Variants in NCALD observed in about 807,000 individuals in gnomAD.
NCALD encodes neurocalcin-delta.
In NCALD, 10 loss-of-function variants were observed where a neutral mutation model predicts 18.6. The ratio of observed to expected loss-of-function variants is 0.54; its 90% CI spans 0.33 to 0.91. The LOEUF (loss-of-function observed/expected upper bound fraction) is 0.91. NCALD is among the 40% of genes least tolerant of loss of function. NCALD has a pLI of 0.03. For missense variants in NCALD, 184 were observed against 247.6 expected (o/e 0.74, Z 1.72); for synonymous variants, 88 against 87.4 (o/e 1.01, Z -0.04).
chr8:101,751,388 T>C (rs887680923), intron 1 of NCALD, among the ~76,000 whole-genome samples: 17 of 152,270 alleles, frequency 1.1e-4, no homozygotes, highest in Admixed American at 6.5e-4. Flanking sequence ...CACAGGTACA[T>C]AGTTTCTCTA....
At chr8:102,091,802 C>T (rs1824933229) in intron 1 of NCALD, among the ~76,000 whole-genome samples, 1 of 152,212 alleles carries the variant, frequency 6.6e-6, no homozygotes, top group African/African-American at 2.4e-5. Flanking sequence ...GACTGAGCTT[C>T]TCTCTACCCC....
intron 1 of NCALD, among the ~76,000 whole-genome samples, chr8:101,738,324 A>C (rs1158354135): frequency 6.6e-6 from 1 of 152,122 alleles, no homozygotes; most frequent in Non-Finnish European, 1.5e-5. Context: ...TGGGTGGATC[A>C]CCTGAGGTCA....
chr8:102,081,527 G>A (rs893075835), intron 1 of NCALD, among the ~76,000 whole-genome samples: 12 of 108,546 alleles, frequency 1.1e-4, no homozygotes, highest in Admixed American at 3.8e-4. Context: ...TTTAAGTCAA[G>A]GAGAATTCAA....
At chr8:101,872,250 C>A in intron 4 of NCALD, 1 of 1,420,302 alleles carries the variant, frequency 7.0e-7, no homozygotes. Context: ...GAACATAATA[C>A]TTCCCTGAAA....
intron 4 of NCALD, among the ~76,000 whole-genome samples, chr8:101,847,658 C>T (rs1243466197): frequency 6.6e-6 from 1 of 152,150 alleles, no homozygotes; most frequent in African/African-American, 2.4e-5. Context: ...AAAACCAGTG[C>T]TAGATGTGAA....
At position 101,853,042 on chromosome 8, in the gene NCALD, A is replaced by G. The variant is rs375918367; in HGVS notation, c.-20+34099T>C. On this transcript the variant is annotated intron_variant, in intron 4 of 6. Coordinates refer to the NCALD transcript ENST00000311028. The stretch of plus-strand genomic sequence containing the variant: ...TTAAAAGCATACATTTTAGAGCCAG[A>G]CTGCCCATGTCCAAACCCTGGTCCC... 6.4e-4 allele frequency among the ~76,000 whole-genome samples: 97 copies of G among 152,292 alleles called. 2 individuals are homozygous for G. In the South Asian group the frequency reaches 0.019, roughly 31 times the overall value.
At chr8:101,979,975 G>A (rs1368898339) in intron 2 of NCALD, among the ~76,000 whole-genome samples, 1 of 152,190 alleles carries the variant, frequency 6.6e-6, no homozygotes, top group Non-Finnish European at 1.5e-5. Flanking sequence ...TCACTCACAG[G>A]AGGATAGGGT....
chr8:101,956,171 G>T (rs1165589005), intron 2 of NCALD, among the ~76,000 whole-genome samples: 1 of 152,110 alleles, frequency 6.6e-6, no homozygotes, highest in Non-Finnish European at 1.5e-5. Context: ...GGATGTAAAA[G>T]GAACATTGCT....
intron 4 of NCALD, among the ~76,000 whole-genome samples, chr8:101,883,586 C>T (rs549305816): frequency 1.8e-4 from 28 of 152,184 alleles, no homozygotes; most frequent in Non-Finnish European, 3.8e-4. Context: ...GAAATTTCTT[C>T]GAAGTCTTTG....
intron 1 of NCALD, among the ~76,000 whole-genome samples, chr8:101,773,809 C>G (rs183198759): frequency 6.6e-6 from 1 of 152,148 alleles, no homozygotes. Flanking sequence ...GGCTATTTCC[C>G]GCTGAAAAAC....
intron 1 of NCALD, among the ~76,000 whole-genome samples, chr8:102,064,982 C>T (rs868278950): frequency 2.5e-5 from 3 of 117,696 alleles, no homozygotes; most frequent in Non-Finnish European, 4.8e-5. Context: ...CAATAGAGTA[C>T]GAGATTTGAC....
intron 2 of NCALD, among the ~76,000 whole-genome samples, chr8:101,929,393 G>GT (rs1818467362): frequency 2.2e-5 from 1 of 45,756 alleles, no homozygotes; most frequent in Non-Finnish European, 4.6e-5. Context: ...GAGGGAGGGA[G>GT]GCATGGAGGG....
intron 4 of NCALD, among the ~76,000 whole-genome samples, chr8:101,871,267 G>C (rs1046726342): frequency 4.5e-4 from 68 of 152,108 alleles, no homozygotes; most frequent in Admixed American, 2.0e-4. Flanking sequence ...GGAGAGGATG[G>C]TAATGATATC....
intron 1 of NCALD, among the ~76,000 whole-genome samples, chr8:101,732,519 T>A (rs766150120): frequency 6.6e-6 from 1 of 151,634 alleles, no homozygotes; most frequent in African/African-American, 2.4e-5. Context: ...AAAAATAGTA[T>A]CCTACATAGG....
intron 4 of NCALD, among the ~76,000 whole-genome samples, chr8:101,824,222 T>A (rs1012765431): frequency 2.6e-5 from 4 of 152,320 alleles, no homozygotes; most frequent in African/African-American, 9.6e-5. Flanking sequence ...CAGTATTTGT[T>A]ACTATCAGTG....
chr8:101,861,143 C>T (rs1037672826), intron 4 of NCALD, among the ~76,000 whole-genome samples: 2 of 152,088 alleles, frequency 1.3e-5, no homozygotes, highest in East Asian at 1.9e-4. Context: ...AGACTTCTGA[C>T]GCCCAGAATG....
intron 2 of NCALD, among the ~76,000 whole-genome samples, chr8:101,718,633 T>C (rs1400070849): frequency 6.6e-6 from 1 of 152,190 alleles, no homozygotes; most frequent in Non-Finnish European, 1.5e-5. Flanking sequence ...GAGCAGGAGC[T>C]AACATGGTGC....
intron 1 of NCALD, among the ~76,000 whole-genome samples, chr8:102,122,303 G>A (rs1231264350): frequency 2.0e-5 from 3 of 152,134 alleles, no homozygotes; most frequent in Non-Finnish European, 4.4e-5. Flanking sequence ...GAGAAGGGTG[G>A]GACCGTGAAA....
intron 1 of NCALD, among the ~76,000 whole-genome samples, chr8:102,053,792 C>T (rs932122299): frequency 3.3e-5 from 5 of 152,262 alleles, no homozygotes; most frequent in African/African-American, 1.2e-4. Context: ...GACTCTGAGT[C>T]TTAAAATTGA....
Sources: gnomAD v4.1 joint callset for allele counts (sites outside exome capture counted in the v4.1 genomes callset) on GRCh38, gnomAD v4.1.1 for gene constraint, MANE v1.5 for transcripts, NCBI Gene and HGNC (gene_info 2026-07-23, HGNC 2026-07-21) for gene names.